The following LUZP2 variants were observed in gnomAD, a reference collection of about 807,000 sequenced individuals.
LUZP2 encodes leucine zipper protein 2.
LUZP2 carries 52 observed loss-of-function variants against 51.6 expected under a neutral mutation model. The observed-to-expected ratio is 1.01, with a 90% CI of 0.81 to 1.27. The LOEUF (loss-of-function observed/expected upper bound fraction) is 1.27, where lower values mean the gene tolerates loss of function less well. LUZP2 is among the 50% of genes most tolerant of loss of function. The probability of loss-of-function intolerance (pLI) is 0.00; values close to 1 mark genes in which losing one functional copy is unlikely to be tolerated. For missense variants in LUZP2, 436 were observed against 395.4 expected, an observed-to-expected ratio of 1.10 and a Z score of -0.87; for synonymous variants, 154 against 137.3, an observed-to-expected ratio of 1.12 and a Z score of -0.85.
intron 1 of LUZP2, among the ~76,000 whole-genome samples, chr11:24,668,171 A>C (rs1856279317): frequency 6.6e-6 from 1 of 152,208 alleles, no homozygotes; most frequent in Non-Finnish European, 1.5e-5. Context: ...TATTACAGAA[A>C]AAGTGTGGTT....
chr11:24,646,850 C>T (rs1855475422), intron 1 of LUZP2, among the ~76,000 whole-genome samples: 1 of 152,004 alleles, frequency 6.6e-6, no homozygotes, highest in Non-Finnish European at 1.5e-5. Flanking sequence ...ACTTTTAGTG[C>T]ATGCCAGTCA....
At chr11:24,782,308 T>C (rs1275269251) in intron 5 of LUZP2, among the ~76,000 whole-genome samples, 1 of 152,046 alleles carries the variant, frequency 6.6e-6, no homozygotes, top group Non-Finnish European at 1.5e-5. Flanking sequence ...CAGCACAGTC[T>C]ATATTGGGCC....
chr11:24,759,605 A>T (rs1859907386), intron 4 of LUZP2, among the ~76,000 whole-genome samples: 1 of 152,142 alleles, frequency 6.6e-6, no homozygotes, highest in South Asian at 2.1e-4. Flanking sequence ...ATTTGGGGGA[A>T]ATAATGGTAT....
At chr11:24,853,323 C>A (rs1851451613) in intron 5 of LUZP2, among the ~76,000 whole-genome samples, 1 of 151,988 alleles carries the variant, frequency 6.6e-6, no homozygotes, top group African/African-American at 2.4e-5. Flanking sequence ...GTTTCACCTT[C>A]ACTTATGAAG....
intron 1 of LUZP2, among the ~76,000 whole-genome samples, chr11:24,680,795 G>C (rs1308682166): frequency 1.3e-5 from 2 of 152,098 alleles, no homozygotes; most frequent in Non-Finnish European, 2.9e-5. Context: ...TCAAGGCTCA[G>C]AATCTAAATG....
intron 5 of LUZP2, among the ~76,000 whole-genome samples, chr11:24,797,614 TCTGTAGTAGAAATGCTA>T (rs1462318149): frequency 1.1e-4 from 16 of 152,244 alleles, no homozygotes; most frequent in Middle Eastern, 6.8e-3. Context: ...GTAGAAATGC[TCTGTAGTAGAAATGCTA>T]CTGTAGTAGA....
At chr11:24,759,135 A>G (rs558197222) in intron 4 of LUZP2, among the ~76,000 whole-genome samples, 6 of 152,290 alleles carry the variant, frequency 3.9e-5, no homozygotes, top group African/African-American at 1.4e-4. Flanking sequence ...CAGGATAATT[A>G]AAGATTTTAA....
intron 7 of LUZP2, among the ~76,000 whole-genome samples, chr11:24,918,120 G>T (rs1357842660): frequency 2.0e-5 from 3 of 152,052 alleles, no homozygotes; most frequent in East Asian, 3.9e-4. Context: ...GTTCACTCAT[G>T]ATTTGGCTCT....
At chr11:24,971,549 A>G (rs1855735124) in intron 7 of LUZP2, among the ~76,000 whole-genome samples, 1 of 152,130 alleles carries the variant, frequency 6.6e-6, no homozygotes. Context: ...CACTATTAGC[A>G]TGATGGGATC....
At chr11:25,001,295 T>G (rs10834572) in intron 9 of LUZP2, among the ~76,000 whole-genome samples, 59,126 of 151,994 alleles carry the variant, frequency 0.39, 13,795 homozygotes, top group East Asian at 0.69. Flanking sequence ...AGCAGACCAA[T>G]TATTAGGCAA....
At chr11:25,029,159 C>A (rs1357807197) in intron 9 of LUZP2, among the ~76,000 whole-genome samples, 19 of 151,972 alleles carry the variant, frequency 1.3e-4, no homozygotes, top group Admixed American at 1.2e-3. Context: ...TAAATAAGAC[C>A]TACTATTTGA....
At chr11:24,682,113 A>G (rs1286822939) in intron 1 of LUZP2, among the ~76,000 whole-genome samples, 2 of 152,224 alleles carry the variant, frequency 1.3e-5, no homozygotes, top group Non-Finnish European at 2.9e-5. Context: ...GTTAATGACG[A>G]TTGAAAATAG....
At chr11:24,580,712 C>T (rs1303240930) in intron 1 of LUZP2, among the ~76,000 whole-genome samples, 2 of 152,054 alleles carry the variant, frequency 1.3e-5, no homozygotes, top group Admixed American at 1.3e-4. Context: ...CTTAATGAGC[C>T]TCTCTAATTT....
At chr11:24,534,264 C>A (rs1169941412) in intron 1 of LUZP2, among the ~76,000 whole-genome samples, 1 of 150,662 alleles carries the variant, frequency 6.6e-6, no homozygotes, top group African/African-American at 2.4e-5. Context: ...CATATACATG[C>A]ATATAAAGAG....
chr11:24,717,340 A>C (rs1322589043), intron 1 of LUZP2, among the ~76,000 whole-genome samples: 5 of 151,672 alleles, frequency 3.3e-5, no homozygotes, highest in Non-Finnish European at 7.4e-5. Context: ...GGTTTGTTAC[A>C]TAGGTGAACT....
At chr11:25,041,679 C>G (rs1317127717) in intron 9 of LUZP2, among the ~76,000 whole-genome samples, 1 of 152,074 alleles carries the variant, frequency 6.6e-6, no homozygotes, top group Admixed American at 6.6e-5. Context: ...ACTTTGAAGA[C>G]CCTTGTGGGT....
intron 9 of LUZP2, among the ~76,000 whole-genome samples, chr11:25,037,563 G>A (rs1444203705): frequency 7.2e-5 from 11 of 152,114 alleles, no homozygotes; most frequent in Admixed American, 5.2e-4. Flanking sequence ...CCAGGGGGCC[G>A]TGAGCTTAAG....
intron 1 of LUZP2, among the ~76,000 whole-genome samples, chr11:24,550,117 T>C (rs1851681300): frequency 6.6e-6 from 1 of 152,062 alleles, no homozygotes; most frequent in African/African-American, 2.4e-5. Flanking sequence ...TATGAATCTG[T>C]TTTACTGTTG....
chr11:24,570,309 A>G (rs1251401656), intron 1 of LUZP2, among the ~76,000 whole-genome samples: 1 of 152,086 alleles, frequency 6.6e-6, no homozygotes, highest in Non-Finnish European at 1.5e-5. Flanking sequence ...CTTAAAAGTC[A>G]TCTTTTATAT....
Sources: gnomAD v4.1 joint callset for allele counts (sites outside exome capture counted in the v4.1 genomes callset) on GRCh38, gnomAD v4.1.1 for gene constraint, MANE v1.5 for transcripts, NCBI Gene and HGNC (gene_info 2026-07-23, HGNC 2026-07-21) for gene names.